NSMCE1: variants seen among roughly 807,000 people sequenced by gnomAD.
The protein encoded by NSMCE1 is non-structural maintenance of chromosomes element 1 homolog.
Under a neutral mutation model 29.6 loss-of-function variants are expected in NSMCE1, and 18 were observed. The ratio of observed to expected loss-of-function variants is 0.61; its 90% CI spans 0.42 to 0.90. The LOEUF is 0.90. NSMCE1 is among the 40% of genes least tolerant of loss of function. The pLI is 0.00. For synonymous variants in NSMCE1, 124 were observed against 133.4 expected (o/e 0.93, Z 0.49); for missense variants, 314 against 343.6 (o/e 0.91, Z 0.68).
chr16:27,248,394 G>T (rs925757806), intron 2 of NSMCE1, among the ~76,000 whole-genome samples: 6 of 146,472 alleles, frequency 4.1e-5, no homozygotes, highest in African/African-American at 1.5e-4. Flanking sequence ...AGCTCACTGC[G>T]GTTTTAGTTT....
At chr16:27,262,352 T>A (rs1274289274) in intron 1 of NSMCE1, among the ~76,000 whole-genome samples, 1 of 151,752 alleles carries the variant, frequency 6.6e-6, no homozygotes, top group African/African-American at 2.4e-5. Flanking sequence ...GACTTCAAAC[T>A]ACACTACAGG....
chr16:27,255,762 T>C lies in NSMCE1; in HGVS notation c.136+1673A>G, dbSNP rs1242815451. On this transcript the variant is annotated intron_variant, in intron 2 of 7. Transcript: ENST00000361439. ...TTCTGTCTCCCTCTTCTTATTCCCATTCACTGCTCACCTCTCTGGGATCAG... is the reference window on the plus strand; with the variant it reads ...TTCTGTCTCCCTCTTCTTATTCCCACTCACTGCTCACCTCTCTGGGATCAG... 2.0e-5 allele frequency among the ~76,000 whole-genome samples: 3 copies of C among 152,242 alleles called. No individual in the cohort carries two copies. The East Asian group carries it at 5.8e-4, about 29-fold the overall frequency.
Position 27,232,384 on chromosome 16 carries a change from G to A in NSMCE1, c.483+617C>T, listed in dbSNP as rs1277603430. On this transcript the variant is annotated intron_variant, in intron 5 of 7. Transcript: ENST00000361439. This position sits in a 1 kb window ranked among gnomAD's most constrained non-coding sequence, Gnocchi z 4.5. ...GGGGCAACATCTAGAAACTGGAGCT[G>A]CAGTGGGGCCTGTCCCAGATGTCAC... Among the ~76,000 whole-genome samples, 1 of 152,248 alleles carries A rather than the reference G, an allele frequency of 6.6e-6. No homozygotes were observed. Among genetic ancestry groups the A allele is most frequent in the African/African-American group, 2.4e-5 (1 of 41,470 alleles).
chr16:27,242,120 A>G (rs1330501453), intron 2 of NSMCE1, among the ~76,000 whole-genome samples: 4 of 152,318 alleles, frequency 2.6e-5, no homozygotes, highest in South Asian at 2.1e-4. Context: ...ACAGGGCTTC[A>G]CTGTATCAGT....
chr16:27,260,305 G>C (rs887656454), intron 1 of NSMCE1, among the ~76,000 whole-genome samples: 1 of 152,132 alleles, frequency 6.6e-6, no homozygotes, highest in Non-Finnish European at 1.5e-5. Context: ...AGGAGTAGAA[G>C]CTGGACATGA....
Position 27,225,146 on chromosome 16 carries a change from G to A in NSMCE1, c.*11C>T. 2 of 1,561,004 alleles carry A rather than the reference G, an allele frequency of 1.3e-6. No homozygotes were observed. Among genetic ancestry groups the A allele is most frequent in the Non-Finnish European group, 1.8e-6 (2 of 1,138,820 alleles). On this transcript the variant is annotated 3_prime_UTR_variant, in exon 8 of 8. Transcript: ENST00000361439. ...ACTCAAGGCAGCCAGCCCCTCAGCA[G>A]GGCACGATGGCTAATGCTGCCTGGA...
intron 2 of NSMCE1, among the ~76,000 whole-genome samples, chr16:27,248,156 A>C (rs1449843757): frequency 6.6e-6 from 1 of 152,158 alleles, no homozygotes; most frequent in Non-Finnish European, 1.5e-5. Context: ...AAGATACTCT[A>C]TCTCTGCACA....
At chr16:27,251,878 T>C (rs1567281634) in intron 2 of NSMCE1, among the ~76,000 whole-genome samples, 4 of 152,214 alleles carry the variant, frequency 2.6e-5, no homozygotes, top group Non-Finnish European at 5.9e-5. Flanking sequence ...GCACCTCTGG[T>C]CCACCTTATA....
intron 2 of NSMCE1, among the ~76,000 whole-genome samples, chr16:27,246,000 C>G (rs1050525251): frequency 1.3e-5 from 2 of 152,252 alleles, no homozygotes; most frequent in East Asian, 1.9e-4. Flanking sequence ...ATCGCTGATT[C>G]ACCATCAACG....
intron 1 of NSMCE1, among the ~76,000 whole-genome samples, chr16:27,263,493 T>C (rs2084184990): frequency 6.6e-6 from 1 of 152,158 alleles, no homozygotes. Context: ...AGTTAAATGA[T>C]GAAAACTTAT....
intron 2 of NSMCE1, among the ~76,000 whole-genome samples, chr16:27,250,479 ATT>A (rs564189159): frequency 6.3e-5 from 9 of 141,856 alleles, no homozygotes; most frequent in South Asian, 2.2e-4. Flanking sequence ...TAGCTGTTGG[ATT>A]TTTTTTTTTT....
chr16:27,260,858 C>CACAAAAAAAAA (rs761029399), intron 1 of NSMCE1, among the ~76,000 whole-genome samples: 3 of 87,968 alleles, frequency 3.4e-5, no homozygotes, highest in Non-Finnish European at 6.8e-5. Flanking sequence ...GACCCTGTCT[C>CACAAAAAAAAA]AAAAAAAAAA....
intron 1 of NSMCE1, among the ~76,000 whole-genome samples, chr16:27,260,361 T>TA (rs2084141392): frequency 6.6e-6 from 1 of 151,904 alleles, no homozygotes; most frequent in Admixed American, 6.6e-5. Context: ...TAACAACTTT[T>TA]AAAAAAACAA....
chr16:27,257,334 C>T (rs1195524739), intron 2 of NSMCE1, 101 bp downstream of exon 2: 1 of 978,144 alleles, frequency 1.0e-6, no homozygotes, highest in African/African-American at 1.7e-5. Flanking sequence ...ATGCTCAGCT[C>T]AGGAGTACCG....
intron 2 of NSMCE1, among the ~76,000 whole-genome samples, chr16:27,251,186 AT>A (rs1567281256): frequency 0.02 from 1,895 of 97,166 alleles, 66 homozygotes; most frequent in African/African-American, 0.026. Flanking sequence ...ATATATATAT[AT>A]ATAAATATAT....
intron 2 of NSMCE1, among the ~76,000 whole-genome samples, chr16:27,251,038 T>C (rs1596689594): frequency 6.8e-6 from 1 of 148,062 alleles, no homozygotes; most frequent in Non-Finnish European, 1.5e-5. Flanking sequence ...ACGGGGTTTC[T>C]CCATGTTGGT....
chr16:27,231,236 T>G (rs548108684), intron 5 of NSMCE1, among the ~76,000 whole-genome samples: 33 of 152,388 alleles, frequency 2.2e-4, no homozygotes, highest in African/African-American at 7.7e-4. Flanking sequence ...CTCATCCACC[T>G]GTCCAGTCAT....
chr16:27,241,945 T>C (rs2083900138), intron 2 of NSMCE1: 1 of 389,608 alleles, frequency 2.6e-6, no homozygotes, highest in African/African-American at 2.1e-5. Context: ...GTCTGGCCAT[T>C]AGCTGGATGC....
At chr16:27,253,522 T>C (rs2084055670) in intron 2 of NSMCE1, among the ~76,000 whole-genome samples, 1 of 152,206 alleles carries the variant, frequency 6.6e-6, no homozygotes, top group African/African-American at 2.4e-5. Flanking sequence ...TTGAATTGTT[T>C]CAGGCAAGAA....
Sources: gnomAD v4.1 joint callset for allele counts (sites outside exome capture counted in the v4.1 genomes callset) on GRCh38, gnomAD v4.1.1 for gene constraint, Gnocchi (gnomAD v3.1) non-coding constraint, MANE v1.5 for transcripts, NCBI Gene and HGNC (gene_info 2026-07-23, HGNC 2026-07-21) for gene names.